Variants in AGBL2 observed in about 807,000 individuals in gnomAD.
AGBL2 encodes the protein cytosolic carboxypeptidase 2.
Under a neutral mutation model 103.0 loss-of-function variants are expected in AGBL2, and 87 were observed. The observed-to-expected ratio is 0.84, with a 90% CI of 0.71 to 1.01. AGBL2 has a LOEUF of 1.01. Ranked by LOEUF, AGBL2 falls within the 50% of genes least tolerant of loss-of-function variation. The pLI is 0.00. For missense variants in AGBL2, 904 were observed against 1,023.5 expected (o/e 0.88, Z 1.59); for synonymous variants, 335 against 356.7 (o/e 0.94, Z 0.69).
chr11:47,686,959 CAA>C (rs56079169), intron 10 of AGBL2, among the ~76,000 whole-genome samples: 18 of 51,592 alleles, frequency 3.5e-4, no homozygotes, highest in African/African-American at 1.4e-3. Context: ...AACTCTATCT[CAA>C]AAAAAAAAAA....
intron 8 of AGBL2, among the ~76,000 whole-genome samples, chr11:47,693,626 C>T (rs977075002): frequency 1.3e-5 from 2 of 152,068 alleles, no homozygotes; most frequent in Non-Finnish European, 2.9e-5. Context: ...ACTGTATGTT[C>T]GTAGTGTTTT....
Position 47,710,436 on chromosome 11 carries a change from C to A in AGBL2, c.173G>T (p.Gly58Val). The A allele has an allele frequency of 3.1e-6, 5 of 1,614,094 alleles. No individual in the cohort carries two copies. Among genetic ancestry groups the A allele is most frequent in the Admixed American group, 1.7e-5 (1 of 60,018 alleles). ...RKNNPQCLLNGSLGEKDDLIP... is the reference protein window; with the variant it reads ...RKNNPQCLLNVSLGEKDDLIP... ...CAAATCATCTTTTTCCCCAAGAGAGCCATTCAACAGGCATTGAGGGTTATT... is the reference window on the plus strand; with the variant it reads ...CAAATCATCTTTTTCCCCAAGAGAGACATTCAACAGGCATTGAGGGTTATT... The change falls in exon 4 of 19, where the codon GGC (glycine) becomes GTC (valine). Residue 58 changes from glycine (G) to valine (V), a missense_variant. Physicochemically the swap from Gly to Val is moderately radical, Grantham distance 109. Coordinates refer to ENST00000525123, the MANE Select transcript of AGBL2 (RefSeq NM_024783.4).
At chr11:47,660,920 C>T (rs764293992) in intron 18 of AGBL2, among the ~76,000 whole-genome samples, 67 of 152,114 alleles carry the variant, frequency 4.4e-4, no homozygotes, top group Non-Finnish European at 7.8e-4. Flanking sequence ...TGTCTAGAAA[C>T]ATTACACAAA....
At chr11:47,676,157 C>T (rs2097374043) in intron 14 of AGBL2, among the ~76,000 whole-genome samples, 2 of 152,082 alleles carry the variant, frequency 1.3e-5, no homozygotes, top group African/African-American at 2.4e-5. Context: ...ACACTAGACT[C>T]CTGATCTTCA....
chr11:47,682,621 C>A (rs2097405635), intron 11 of AGBL2, among the ~76,000 whole-genome samples: 1 of 152,144 alleles, frequency 6.6e-6, no homozygotes, highest in Admixed American at 6.6e-5. Flanking sequence ...CCCCCATAAT[C>A]TCTGCCTGGA....
At chr11:47,661,750 T>C (rs1564995008) in intron 18 of AGBL2, among the ~76,000 whole-genome samples, 1 of 151,948 alleles carries the variant, frequency 6.6e-6, no homozygotes, top group Non-Finnish European at 1.5e-5. Context: ...TTACTAGCTG[T>C]TTTGCCACCT....
chr11:47,711,700 A>T (rs2097536845), intron 3 of AGBL2, among the ~76,000 whole-genome samples: 1 of 151,770 alleles, frequency 6.6e-6, no homozygotes, highest in South Asian at 2.1e-4. Flanking sequence ...TGCCCAGCTA[A>T]TTTTTTGTAT....
chr11:47,710,593 C>T (rs2097533940), intron 3 of AGBL2, 82 bp from the exon 4 acceptor site: 2 of 1,505,708 alleles, frequency 1.3e-6, no homozygotes, highest in Non-Finnish European at 1.8e-6. Flanking sequence ...AACCACTACT[C>T]CTTTTATCAC....
chr11:47,668,782 G>T, intron 15 of AGBL2, 59 bp downstream of exon 15: 1 of 1,311,242 alleles, frequency 7.6e-7, no homozygotes, highest in East Asian at 2.3e-5. Context: ...CAAATTGTCT[G>T]GTAGTGTCAT....
rs1453252539 is a variant in AGBL2 at position 47,681,830 on chromosome 11, C to G, written c.1915+139G>C. ...ATATTTCACATTCATATGTTGGGCA[C>G]TCAAATTTAGCATAAGTCTAGACAA... On this transcript the variant is annotated intron_variant, in intron 12 of 18. Transcript: ENST00000525123. 2.8e-6 allele frequency: 3 copies of G among 1,081,058 alleles called. No homozygotes were observed. In the African/African-American group the frequency reaches 4.7e-5, roughly 17 times the overall value. The allele number at this position is 1,081,058 out of a possible 1,614,324, so 67.0% of individuals were successfully genotyped here.
At chr11:47,686,093 A>G in intron 10 of AGBL2, 44 bp from the exon 11 acceptor site, 1 of 1,572,970 alleles carries the variant, frequency 6.4e-7, no homozygotes, top group South Asian at 1.1e-5. Flanking sequence ...ACCCAAATGC[A>G]TACAAATAAT....
chr11:47,663,117 A>G lies in AGBL2; in HGVS notation c.2449-5T>C, dbSNP rs1046067540. ...GTCTCTTCTATTTAAATTTGTCTAA[A>G]ATAAATGAACATATCCTCACTAAAT... On this transcript the variant is annotated splice_polypyrimidine_tract_variant and splice_region_variant and intron_variant, in intron 17 of 18. Transcript: ENST00000525123. The G allele has an allele frequency of 1.9e-6, 3 of 1,576,356 alleles. No homozygotes were observed. Among genetic ancestry groups the G allele is most frequent in the Admixed American group, 4.0e-5 (2 of 49,592 alleles).
At chr11:47,673,362 A>C in intron 14 of AGBL2, among the ~76,000 whole-genome samples, 1 of 152,202 alleles carries the variant, frequency 6.6e-6, no homozygotes, top group South Asian at 2.1e-4. Flanking sequence ...GCAGTGGCTC[A>C]TGCCTGTAAT....
At chr11:47,691,729 A>AAAAATATATATATATATATATATAT in intron 9 of AGBL2, among the ~76,000 whole-genome samples, 1 of 4,850 alleles carries the variant, frequency 2.1e-4, no homozygotes, top group African/African-American at 7.2e-4. Context: ...AAAAAAAAAA[A>AAAAATATATATATATATATATATAT]ATATATATAT....
At chr11:47,698,119 C>T (rs1177275726) in intron 8 of AGBL2, among the ~76,000 whole-genome samples, 5 of 150,014 alleles carry the variant, frequency 3.3e-5, no homozygotes, top group Non-Finnish European at 5.9e-5. Flanking sequence ...ATCTTGGCCT[C>T]CCAAAGTGCT....
intron 13 of AGBL2, among the ~76,000 whole-genome samples, chr11:47,678,416 C>T (rs2097386587): frequency 1.3e-5 from 2 of 150,156 alleles, no homozygotes; most frequent in South Asian, 4.3e-4. Context: ...TCACTGCAAC[C>T]TCTGCCTCCC....
intron 13 of AGBL2, among the ~76,000 whole-genome samples, chr11:47,679,751 C>CCT (rs1452558340): frequency 6.6e-6 from 1 of 151,828 alleles, no homozygotes; most frequent in African/African-American, 2.4e-5. Flanking sequence ...AAGTGATTCT[C>CCT]CTGCCTCAGC....
chr11:47,664,569 G>A (rs1598887188), intron 17 of AGBL2, among the ~76,000 whole-genome samples: 1 of 151,828 alleles, frequency 6.6e-6, no homozygotes, highest in Non-Finnish European at 1.5e-5. Context: ...GCACCACCAC[G>A]CCCAGCTAAT....
intron 1 of AGBL2, 149 bp from the exon 2 acceptor site, chr11:47,714,899 C>T: frequency 3.8e-6 from 2 of 530,690 alleles, no homozygotes; most frequent in Non-Finnish European, 6.8e-6. Context: ...GCATCTGAGA[C>T]AGGGAGGGCA....
Sources: allele counts gnomAD v4.1 joint callset (sites outside exome capture counted in the v4.1 genomes callset), GRCh38; gene constraint gnomAD v4.1.1; transcripts MANE v1.5; gene names NCBI Gene and HGNC (gene_info 2026-07-23, HGNC 2026-07-21).